Variants in WDSUB1 observed in about 807,000 individuals in gnomAD.
WDSUB1 encodes the protein WD repeat, SAM and U-box domain-containing protein 1.
In WDSUB1, 49 loss-of-function variants were observed where a neutral mutation model predicts 53.9. The ratio of observed to expected loss-of-function variants is 0.91; its 90% CI spans 0.72 to 1.15. The LOEUF is 1.15. WDSUB1 is among the 50% of genes most tolerant of loss of function. The pLI, the probability that WDSUB1 is intolerant of heterozygous loss-of-function variation, is 0.00. For missense variants in WDSUB1, 514 were observed against 562.0 expected, an observed-to-expected ratio of 0.91 and a Z score of 0.86; for synonymous variants, 194 against 200.6, an observed-to-expected ratio of 0.97 and a Z score of 0.28.
chr2:159,284,054 C>T (rs150461941), intron 1 of WDSUB1, among the ~76,000 whole-genome samples: 1,540 of 152,242 alleles, frequency 0.01, 30 homozygotes, highest in African/African-American at 0.034. Flanking sequence ...TCAAGTGATC[C>T]GCCCACCTCA....
At chr2:159,254,517 T>C (rs1359476201) in intron 9 of WDSUB1, among the ~76,000 whole-genome samples, 2 of 152,104 alleles carry the variant, frequency 1.3e-5, no homozygotes, top group South Asian at 2.1e-4. Context: ...GGCATGACCA[T>C]GCCAGAGGAC....
At chr2:159,238,903 C>A (rs1490493180) in intron 10 of WDSUB1, among the ~76,000 whole-genome samples, 1 of 151,962 alleles carries the variant, frequency 6.6e-6, no homozygotes, top group Admixed American at 6.6e-5. Flanking sequence ...GTCTTCCTAC[C>A]CCTCAGCATG....
At position 159,235,882 on chromosome 2, in the gene WDSUB1, TA is replaced by T; in HGVS notation, c.*150del. ...TTTTATAGTAAGTCCATGTGTTTTT[TA>T]AAGAATGAAAATTGACAATTTTTAT... On this transcript the variant is annotated 3_prime_UTR_variant, in exon 11 of 11. Coordinates refer to ENST00000359774, the MANE Select transcript of WDSUB1 (RefSeq NM_001128212.3). 1 of 680,100 alleles carries T rather than the reference TA, an allele frequency of 1.5e-6. No individual in the cohort carries two copies. The highest frequency in any genetic ancestry group is 2.2e-6 in the Non-Finnish European group (1 of 460,156). 42.1% of individuals were successfully genotyped at this position (680,100 alleles called of 1,614,324 possible).
At chr2:159,244,668 T>C (rs1452475013) in intron 10 of WDSUB1, among the ~76,000 whole-genome samples, 1 of 152,206 alleles carries the variant, frequency 6.6e-6, no homozygotes, top group Non-Finnish European at 1.5e-5. Flanking sequence ...CTCACACGTC[T>C]TATCTCAGCA....
At chr2:159,275,148 T>C (rs1205836419) in intron 4 of WDSUB1, among the ~76,000 whole-genome samples, 1 of 152,112 alleles carries the variant, frequency 6.6e-6, no homozygotes, top group Non-Finnish European at 1.5e-5. Flanking sequence ...CTGTACAAAA[T>C]AAGCTTCCTG....
intron 5 of WDSUB1, among the ~76,000 whole-genome samples, chr2:159,268,333 AAC>A (rs2061384280): frequency 1.6e-5 from 2 of 126,720 alleles, no homozygotes; most frequent in Non-Finnish European, 2.1e-5. Context: ...CCTGTCCCCT[AAC>A]ACAGCAGACA....
chr2:159,259,036 A>AATTTTTTTTTTTTTTTTTTTTTTTTT (rs1436442238), intron 6 of WDSUB1, among the ~76,000 whole-genome samples: 6 of 150,706 alleles, frequency 4.0e-5, no homozygotes, highest in Admixed American at 6.6e-5. Context: ...CAACTACTTT[A>AATTTTTTTTTTTTTTTTTTTTTTTTT]TTTTTGAGAC....
At chr2:159,253,579 T>G (rs904973465) in intron 9 of WDSUB1, among the ~76,000 whole-genome samples, 5 of 62,670 alleles carry the variant, frequency 8.0e-5, no homozygotes, top group Non-Finnish European at 1.4e-4. Flanking sequence ...TGTACTTTAC[T>G]GTACAATTAA....
chr2:159,282,759 T>C lies in WDSUB1; in HGVS notation c.311A>G (p.Gln104Arg), dbSNP rs1393772036. Residue 104 changes from glutamine (Q) to arginine (R), a missense_variant, in exon 2 of 11, where the codon CAG (glutamine) becomes CGG (arginine). Physicochemically the swap from Gln to Arg is conservative, Grantham distance 43. Coordinates refer to ENST00000359774, the MANE Select transcript of WDSUB1 (RefSeq NM_001128212.3). ...CAAACACGTGGAGTCTGGGGAAAAC[T>C]GGCAAACCCTCACAGGGCTGCCACT... ...QPSGSPVRVC[Q>R]FSPDSTCLAS... 6.2e-7 allele frequency: 1 copy of C among 1,614,208 alleles called. No homozygotes were observed. Among genetic ancestry groups the C allele is most frequent in the Admixed American group, 1.7e-5 (1 of 60,016 alleles).
At chr2:159,284,894 C>A (rs989577550) in intron 1 of WDSUB1, among the ~76,000 whole-genome samples, 1 of 152,186 alleles carries the variant, frequency 6.6e-6, no homozygotes, top group African/African-American at 2.4e-5. Flanking sequence ...TTTTCTCAAG[C>A]TGAAATGTTC....
chr2:159,243,592 A>G (rs1438644224), intron 10 of WDSUB1, among the ~76,000 whole-genome samples: 3 of 130,430 alleles, frequency 2.3e-5, no homozygotes, highest in Non-Finnish European at 4.5e-5. Context: ...TCAATTAAAA[A>G]TAATAAAATT....
rs116030360 is a variant in WDSUB1 at position 159,278,044 on chromosome 2, C to A, written c.583+1717G>T. Among the ~76,000 whole-genome samples the A allele has an allele frequency of 3.7e-3, 566 of 152,186 alleles. 1 individual carries two copies. The highest frequency in any genetic ancestry group is 0.013 in the African/African-American group (541 of 41,534). On this transcript the variant is annotated intron_variant, in intron 3 of 10. Transcript: ENST00000359774. ...GGACAAAAAAGCCCTTATTTTTATT[C>A]TAATATTAACTAATATAATAGTATT... is the stretch of plus-strand genomic sequence containing the variant.
chr2:159,281,520 C>T lies in WDSUB1; in HGVS notation c.398+1152G>A, dbSNP rs183205943. 2.6e-4 allele frequency among the ~76,000 whole-genome samples: 39 copies of T among 152,124 alleles called. No homozygotes were observed. The East Asian group carries it at 4.6e-3, about 18-fold the overall frequency. ...CCAATGTAAATTAATTGGTTTTTTC[C>T]AAAAGAGTTTTTCAGGCGAGTTTTT... is the stretch of plus-strand genomic sequence containing the variant. On this transcript the variant is annotated intron_variant, in intron 2 of 10. Coordinates refer to ENST00000359774, the MANE Select transcript of WDSUB1 (RefSeq NM_001128212.3).
chr2:159,280,708 A>AAAAAAAAACAAAAAAAC lies in WDSUB1; in HGVS notation c.399-764_399-763insGTTTTTTTGTTTTTTTT, dbSNP rs111752652. Among the ~76,000 whole-genome samples the AAAAAAAAACAAAAAAAC allele has an allele frequency of 3.7e-5, 5 of 134,380 alleles. 1 individual carries two copies. Among genetic ancestry groups the AAAAAAAAACAAAAAAAC allele is most frequent in the African/African-American group, 1.7e-4 (5 of 29,696 alleles). 88.2% of individuals were successfully genotyped at this position (134,380 alleles called of 152,430 possible). A position where few individuals can be genotyped will look rare whatever the true frequency, so the allele number is the denominator to read the frequency against. On this transcript the variant is annotated intron_variant, in intron 2 of 10. Coordinates refer to ENST00000359774, the MANE Select transcript of WDSUB1 (RefSeq NM_001128212.3). ...TCCGTCTCAAAAAAAAAAAAAAAAA[A>AAAAAAAAACAAAAAAAC]ATTACCCAGAAGCAATGGCGAGGTC...
At chr2:159,271,674 T>C (rs1364484289) in intron 5 of WDSUB1, 28 bp downstream of exon 5, 8 of 1,587,486 alleles carry the variant, frequency 5.0e-6, no homozygotes, top group Non-Finnish European at 6.9e-6. Context: ...ATAAAAATGG[T>C]TTAGGAAAAT....
intron 2 of WDSUB1, among the ~76,000 whole-genome samples, chr2:159,281,551 A>G (rs2061663439): frequency 6.6e-6 from 1 of 152,226 alleles, no homozygotes; most frequent in African/African-American, 2.4e-5. Context: ...TTTTTAAGAA[A>G]TGATAACACA....
chr2:159,261,886 ATATATATATATTTTTTTTTTTTTTTTTTT>A (rs1324830812), intron 5 of WDSUB1, among the ~76,000 whole-genome samples: 97 of 15,360 alleles, frequency 6.3e-3, no homozygotes, highest in African/African-American at 0.014. Flanking sequence ...ATATATATAT[ATATATATATATTTTTTTTTTTTTTTTTTT>A]TTTTTTTTTT....
intron 9 of WDSUB1, 58 bp downstream of exon 9, chr2:159,256,138 C>T (rs2151087554): frequency 2.7e-6 from 4 of 1,508,058 alleles, no homozygotes; most frequent in Non-Finnish European, 3.6e-6. Flanking sequence ...CAAAATCCAA[C>T]TGCAGAGTAA....
rs753851344 is a variant in WDSUB1 at position 159,282,728 on chromosome 2, T to C, written c.342A>G (p.Ser114=). The change falls in exon 2 of 11, where the codon TCA becomes TCG. Residue 114 remains serine (S), a synonymous_variant. Coordinates refer to ENST00000359774, the MANE Select transcript of WDSUB1 (RefSeq NM_001128212.3). ...QFSPDSTCLA[S]GAADGTVVLW... ...AAACCACAGTTCCATCAGCTGCCCC[T>C]GATGCCAAACACGTGGAGTCTGGGG... The C allele has an allele frequency of 5.0e-6, 8 of 1,614,004 alleles. No homozygotes were observed. The African/African-American group carries it at 9.3e-5, about 19-fold the overall frequency.
Sources: allele counts gnomAD v4.1 joint callset (sites outside exome capture counted in the v4.1 genomes callset), GRCh38; gene constraint gnomAD v4.1.1; transcripts MANE v1.5; gene names NCBI Gene and HGNC (gene_info 2026-07-23, HGNC 2026-07-21).